Variants in KIF6 observed in about 807,000 individuals in gnomAD.
KIF6 encodes the protein kinesin family member 6.
In KIF6, 106 loss-of-function variants were observed where a neutral mutation model predicts 112.7. The ratio of observed to expected loss-of-function variants is 0.94; its 90% confidence interval spans 0.80 to 1.11. The LOEUF (loss-of-function observed/expected upper bound fraction) is 1.11, where lower values mean the gene tolerates loss of function less well. Among genes scored for constraint, KIF6 ranks in the 50% least tolerant of loss-of-function variants. The pLI, the probability that KIF6 is intolerant of heterozygous loss-of-function variation, is 0.00. For missense variants in KIF6, 929 were observed against 964.0 expected (o/e 0.96, Z 0.48); for synonymous variants, 339 against 339.9 (o/e 1.00, Z 0.03).
chr6:39,400,543 C>T (rs1227857357), intron 15 of KIF6, among the ~76,000 whole-genome samples: 1 of 152,174 alleles, frequency 6.6e-6, no homozygotes, highest in East Asian at 1.9e-4. Flanking sequence ...AGAGAGGTGG[C>T]CAAGGAATTA....
chr6:39,522,626 C>A (rs763262397), intron 13 of KIF6, among the ~76,000 whole-genome samples: 1 of 152,236 alleles, frequency 6.6e-6, no homozygotes, highest in Non-Finnish European at 1.5e-5. Flanking sequence ...TCACTTTCCA[C>A]CCAGATCCAA....
Position 39,608,577 on chromosome 6 carries a change from T to G in KIF6, c.639+4612A>C, listed in dbSNP as rs540071537. Among the ~76,000 whole-genome samples the G allele has an allele frequency of 1.1e-4, 16 of 152,342 alleles. No homozygotes were observed. In the East Asian group the frequency reaches 2.1e-3, roughly 20 times the overall value. On this transcript the variant is annotated intron_variant, in intron 6 of 22. Transcript: ENST00000287152. The stretch of plus-strand genomic sequence containing the variant: ...AGTTGGGGAGTGTCTGTATGTCTTT[T>G]ATTTCAAGCAAAGAATTAGGTATAA...
At chr6:39,420,398 T>C (rs961617572) in intron 14 of KIF6, among the ~76,000 whole-genome samples, 3 of 152,204 alleles carry the variant, frequency 2.0e-5, no homozygotes, top group African/African-American at 7.2e-5. Flanking sequence ...TAAAATAATA[T>C]ATCAGAGGTT....
intron 19 of KIF6, among the ~76,000 whole-genome samples, chr6:39,350,808 C>T (rs939617014): frequency 5.9e-5 from 9 of 152,200 alleles, no homozygotes; most frequent in African/African-American, 2.2e-4. Context: ...GGCGGGGTTA[C>T]TTTTCCTCTC....
chr6:39,648,943 T>C (rs1452794327), intron 3 of KIF6, among the ~76,000 whole-genome samples: 1 of 151,170 alleles, frequency 6.6e-6, no homozygotes, highest in East Asian at 1.9e-4. Context: ...ATGGATTGCT[T>C]CAGCCCAGGA....
intron 15 of KIF6, among the ~76,000 whole-genome samples, chr6:39,418,618 T>C (rs1435868321): frequency 6.6e-6 from 1 of 152,158 alleles, no homozygotes; most frequent in African/African-American, 2.4e-5. Flanking sequence ...TAGAGGTTAG[T>C]AGAAATACAG....
chr6:39,634,774 A>G (rs971298306), intron 5 of KIF6, 75 bp downstream of exon 5: 2 of 896,700 alleles, frequency 2.2e-6, no homozygotes, highest in Non-Finnish European at 1.9e-6. Context: ...AGAAACATAC[A>G]AAGTTTCAAA....
chr6:39,370,953 A>G (rs1006167339), intron 16 of KIF6, among the ~76,000 whole-genome samples: 5 of 152,192 alleles, frequency 3.3e-5, no homozygotes, highest in African/African-American at 1.2e-4. Context: ...TGTTGACCCA[A>G]CATGGGCTAT....
intron 15 of KIF6, among the ~76,000 whole-genome samples, chr6:39,387,220 C>T (rs1279113734): frequency 6.6e-6 from 1 of 152,128 alleles, no homozygotes; most frequent in African/African-American, 2.4e-5. Flanking sequence ...CATCTGCTTC[C>T]CTATAATCTT....
intron 13 of KIF6, among the ~76,000 whole-genome samples, chr6:39,488,653 A>G (rs1404207540): frequency 1.3e-5 from 2 of 152,210 alleles, no homozygotes; most frequent in South Asian, 2.1e-4. Context: ...CTTGGCACTC[A>G]GTATGCAATT....
At chr6:39,668,996 A>C (rs1282163490) in intron 3 of KIF6, among the ~76,000 whole-genome samples, 1 of 152,190 alleles carries the variant, frequency 6.6e-6, no homozygotes, top group African/African-American at 2.4e-5. Flanking sequence ...TAGTGGTGAG[A>C]AAGTAACTTG....
intron 3 of KIF6, among the ~76,000 whole-genome samples, chr6:39,686,919 T>C (rs1787902189): frequency 6.6e-6 from 1 of 152,174 alleles, no homozygotes; most frequent in African/African-American, 2.4e-5. Flanking sequence ...GATCCAAAGA[T>C]CCCAAAATAA....
chr6:39,524,650 G>A (rs1777601244), intron 13 of KIF6, among the ~76,000 whole-genome samples: 2 of 152,174 alleles, frequency 1.3e-5, no homozygotes, highest in South Asian at 4.1e-4. Flanking sequence ...GAAAGGCCCT[G>A]TCCCCAGCCA....
intron 16 of KIF6, among the ~76,000 whole-genome samples, chr6:39,370,252 G>A (rs1487560370): frequency 6.6e-6 from 1 of 152,216 alleles, no homozygotes; most frequent in East Asian, 1.9e-4. Context: ...CCAGGGGGCA[G>A]TGTTCTCAGG....
intron 5 of KIF6, among the ~76,000 whole-genome samples, chr6:39,622,139 C>T (rs1783857106): frequency 6.6e-6 from 1 of 151,298 alleles, no homozygotes; most frequent in Admixed American, 6.6e-5. Context: ...TGCACTCCAG[C>T]CTGGGCAACA....
intron 13 of KIF6, among the ~76,000 whole-genome samples, chr6:39,523,804 G>A: frequency 6.6e-6 from 1 of 151,266 alleles, no homozygotes; most frequent in Admixed American, 6.6e-5. Context: ...AGGGCACCCT[G>A]TACATCTGTG....
intron 14 of KIF6, among the ~76,000 whole-genome samples, chr6:39,425,793 C>CAAA (rs549490182): frequency 1.6e-5 from 1 of 62,920 alleles, no homozygotes; most frequent in Non-Finnish European, 3.8e-5. Flanking sequence ...GATGTAAATA[C>CAAA]AAAAAAAAAA....
intron 3 of KIF6, among the ~76,000 whole-genome samples, chr6:39,700,878 A>G (rs543614357): frequency 1.3e-5 from 2 of 152,136 alleles, no homozygotes; most frequent in South Asian, 4.2e-4. Context: ...ACACCCAGCT[A>G]ACTTTTGTAT....
At chr6:39,720,220 A>G (rs1790128684) in intron 2 of KIF6, among the ~76,000 whole-genome samples, 1 of 152,204 alleles carries the variant, frequency 6.6e-6, no homozygotes, top group Admixed American at 6.5e-5. Flanking sequence ...TTCAGTTTGA[A>G]CATACTTCAA....
Sources: gnomAD v4.1 joint callset for allele counts (sites outside exome capture counted in the v4.1 genomes callset) on GRCh38, gnomAD v4.1.1 for gene constraint, MANE v1.5 for transcripts, NCBI Gene and HGNC (gene_info 2026-07-23, HGNC 2026-07-21) for gene names.